The following PDE4D variants were observed in gnomAD, a reference collection of about 807,000 sequenced individuals.
PDE4D encodes 3',5'-cyclic-AMP phosphodiesterase 4D.
In PDE4D, 24 loss-of-function variants were observed where a neutral mutation model predicts 87.4. The observed-to-expected ratio is 0.27, with a 90% confidence interval of 0.20 to 0.39. PDE4D has a LOEUF of 0.39. Ranked by LOEUF, PDE4D falls within the 10% of genes least tolerant of loss-of-function variation. The pLI is 1.00. For missense variants in PDE4D, 714 were observed against 1,041.0 expected, an observed-to-expected ratio of 0.69 and a Z score of 4.32; for synonymous variants, 384 against 383.2, an observed-to-expected ratio of 1.00 and a Z score of -0.02.
intron 1 of PDE4D, among the ~76,000 whole-genome samples, chr5:59,454,959 G>T (rs966886127): frequency 1.2e-4 from 19 of 152,198 alleles, no homozygotes; most frequent in African/African-American, 4.6e-4. Context: ...TTTGGTGGAA[G>T]AAATTTCTAA....
intron 1 of PDE4D, among the ~76,000 whole-genome samples, chr5:59,727,565 T>C (rs1756784005): frequency 6.6e-6 from 1 of 151,720 alleles, no homozygotes; most frequent in South Asian, 2.1e-4. Context: ...AACAAACAAA[T>C]AAAAAAGGGG....
At chr5:59,931,783 G>C (rs1160199408) in intron 3 of PDE4D, among the ~76,000 whole-genome samples, 1 of 144,742 alleles carries the variant, frequency 6.9e-6, no homozygotes, top group African/African-American at 2.5e-5. Context: ...CTCACTGCAA[G>C]CTCCGCCTCC....
intron 1 of PDE4D, among the ~76,000 whole-genome samples, chr5:59,842,681 G>T (rs954733790): frequency 6.6e-6 from 1 of 151,996 alleles, no homozygotes; most frequent in African/African-American, 2.4e-5. Flanking sequence ...TATAGTCACA[G>T]CTTGTACACA....
At chr5:59,737,419 T>C (rs995087980) in intron 1 of PDE4D, among the ~76,000 whole-genome samples, 2 of 152,100 alleles carry the variant, frequency 1.3e-5, no homozygotes, top group Non-Finnish European at 2.9e-5. Context: ...AAATCAGCCA[T>C]GAAATTTGAA....
chr5:60,428,613 C>T (rs1031209296), intron 1 of PDE4D, among the ~76,000 whole-genome samples: 6 of 152,150 alleles, frequency 3.9e-5, no homozygotes, highest in African/African-American at 1.4e-4. Flanking sequence ...TCACTGAGGA[C>T]TTCCTATATA....
At chr5:60,165,276 T>C (rs1183724411) in intron 2 of PDE4D, among the ~76,000 whole-genome samples, 1 of 152,192 alleles carries the variant, frequency 6.6e-6, no homozygotes, top group Non-Finnish European at 1.5e-5. Context: ...CCTTTCACCA[T>C]TGTGTGTTCT....
intron 5 of PDE4D, among the ~76,000 whole-genome samples, chr5:59,150,608 T>C (rs1459168636): frequency 1.5e-4 from 23 of 152,100 alleles, no homozygotes; most frequent in Admixed American, 1.5e-3. Flanking sequence ...CATGGAAGAC[T>C]CTCAAAAAAG....
chr5:60,460,589 C>T (rs1746848273), intron 1 of PDE4D: 1 of 1,290,752 alleles, frequency 7.7e-7, no homozygotes, highest in Non-Finnish European at 1.1e-6. Context: ...TCATTTTGTA[C>T]TTCATCAATG....
chr5:59,824,935 C>T (rs1268134452), intron 1 of PDE4D, among the ~76,000 whole-genome samples: 2 of 152,164 alleles, frequency 1.3e-5, no homozygotes, highest in Non-Finnish European at 2.9e-5. Flanking sequence ...ATAGAGGTGT[C>T]CTCTTTCTTT....
At position 60,270,795 on chromosome 5, in the gene PDE4D, G is replaced by A. The variant is rs971857392; in HGVS notation, c.-89-85108C>T. On this transcript the variant is annotated intron_variant, in intron 1 of 16. Transcript: ENST00000502484. ...AATTCAGCTCTGAAACAGTAACCCT[G>A]GACTTAAATTTAAAATGTCATATTT... Among the ~76,000 whole-genome samples, 6 of 151,924 alleles carry A rather than the reference G, an allele frequency of 3.9e-5. 1 individual carries two copies. The East Asian group carries it at 1.2e-3, about 29-fold the overall frequency.
chr5:59,574,027 TAAAA>T (rs1182960099), intron 1 of PDE4D, among the ~76,000 whole-genome samples: 4 of 120,186 alleles, frequency 3.3e-5, no homozygotes, highest in Non-Finnish European at 6.6e-5. Context: ...TATATATATA[TAAAA>T]ATATATATTT....
chr5:60,437,195 G>A (rs183754431), intron 1 of PDE4D, among the ~76,000 whole-genome samples: 1 of 152,170 alleles, frequency 6.6e-6, no homozygotes, highest in African/African-American at 2.4e-5. Flanking sequence ...CTCTTTGGAA[G>A]GTACTCAATA....
chr5:59,370,970 G>A (rs1783837321), intron 1 of PDE4D, among the ~76,000 whole-genome samples: 1 of 152,148 alleles, frequency 6.6e-6, no homozygotes, highest in Non-Finnish European at 1.5e-5. Context: ...TGGCTTGTGG[G>A]CTACATGGCC....
At chr5:59,962,983 G>C (rs550851400) in intron 3 of PDE4D, among the ~76,000 whole-genome samples, 4 of 152,266 alleles carry the variant, frequency 2.6e-5, no homozygotes, top group African/African-American at 7.2e-5. Context: ...CACCAGCTCT[G>C]TAAGAGAAAC....
intron 2 of PDE4D, among the ~76,000 whole-genome samples, chr5:60,167,219 C>T (rs1338400176): frequency 2.0e-5 from 3 of 149,352 alleles, no homozygotes; most frequent in Non-Finnish European, 4.4e-5. Flanking sequence ...ATCTCATATG[C>T]TTTCTTCCTT....
intron 4 of PDE4D, among the ~76,000 whole-genome samples, chr5:59,184,141 G>A (rs1056333264): frequency 1.3e-5 from 2 of 152,176 alleles, no homozygotes; most frequent in African/African-American, 4.8e-5. Flanking sequence ...TAGATGAGGA[G>A]AGGAAGAAGA....
chr5:59,341,951 A>G (rs967122515), intron 1 of PDE4D, among the ~76,000 whole-genome samples: 2 of 152,248 alleles, frequency 1.3e-5, no homozygotes, highest in Admixed American at 1.3e-4. Context: ...CTCATTTAAT[A>G]CTTGAATAAC....
chr5:59,404,786 T>G lies in PDE4D; in HGVS notation c.456-188818A>C, dbSNP rs568630272. On this transcript the variant is annotated intron_variant, in intron 1 of 14. Coordinates refer to ENST00000340635, the MANE Select transcript of PDE4D (RefSeq NM_001104631.2). ...AGTCTTTATTCCATTTTGATTTGAT[T>G]TTTGTATACGGCAAGAGATAGAAGT... Among the ~76,000 whole-genome samples, 18 of 152,378 alleles carry G rather than the reference T, an allele frequency of 1.2e-4. No homozygotes were observed. In the South Asian group the frequency reaches 3.5e-3, roughly 30 times the overall value.
intron 1 of PDE4D, among the ~76,000 whole-genome samples, chr5:59,578,663 T>C (rs1487386047): frequency 4.6e-5 from 7 of 152,134 alleles, no homozygotes; most frequent in African/African-American, 1.7e-4. Context: ...TGCTCCTCCC[T>C]GGTCCTCTTT....
Sources: allele counts gnomAD v4.1 joint callset (sites outside exome capture counted in the v4.1 genomes callset), GRCh38; gene constraint gnomAD v4.1.1; transcripts MANE v1.5; gene names NCBI Gene and HGNC (gene_info 2026-07-23, HGNC 2026-07-21).